SAA2: variants seen among roughly 807,000 people sequenced by gnomAD.
SAA2 encodes the protein serum amyloid A2.
A neutral mutation model predicts 9.1 loss-of-function variants in SAA2; 5 were observed. The observed-to-expected ratio is 0.55, with a 90% CI of 0.29 to 1.16. The LOEUF is 1.16. SAA2 is among the 50% of genes most tolerant of loss of function. The probability of loss-of-function intolerance (pLI) is 0.09; values close to 1 mark genes in which losing one functional copy is unlikely to be tolerated. For missense variants in SAA2, 94 were observed against 153.8 expected (o/e 0.61, Z 2.06); for synonymous variants, 49 against 59.8 (o/e 0.82, Z 0.83).
intron 2 of SAA2, among the ~76,000 whole-genome samples, chr11:18,246,894 GC>G (rs1857570682): frequency 6.6e-6 from 1 of 152,210 alleles, no homozygotes; most frequent in African/African-American, 2.4e-5. Context: ...GCCAGTTTCT[GC>G]AGACTCTGCT....
intron 2 of SAA2, among the ~76,000 whole-genome samples, chr11:18,246,289 T>C (rs531204680): frequency 1.3e-5 from 2 of 152,034 alleles, no homozygotes; most frequent in East Asian, 1.9e-4. Context: ...GATCCAGGAG[T>C]GTATATGAAT....
chr11:18,241,708 A>G (rs947865862), downstream of SAA2, among the ~76,000 whole-genome samples: 2 of 152,204 alleles, frequency 1.3e-5, no homozygotes, highest in African/African-American at 4.8e-5. Context: ...ATGTGTACAC[A>G]TGGACATAGA....
Position 18,246,035 on chromosome 11 carries a change from C to T in SAA2, c.105G>A (p.Met35Ile), listed in dbSNP as rs1857519063. 1 of 1,613,272 alleles carries T rather than the reference C, an allele frequency of 6.2e-7. No individual in the cohort carries two copies. Among genetic ancestry groups the T allele is most frequent in the African/African-American group, 1.3e-5 (1 of 74,784 alleles). The part of the protein sequence containing the change: ...LGEAFDGARD[M>I]WRAYSDMREA... ...CTCTCATGTCAGAGTAGGCTCTCCACATGTCCCGAGCCCCTGGAAAGGAAA... is the reference window on the plus strand; with the variant it reads ...CTCTCATGTCAGAGTAGGCTCTCCATATGTCCCGAGCCCCTGGAAAGGAAA... The change falls in exon 3 of 4, where the codon ATG becomes ATA. Residue 35 changes from methionine to isoleucine, a missense_variant. Physicochemically the swap from Met to Ile is conservative, Grantham distance 10. Coordinates refer to ENST00000256733, the MANE Select transcript of SAA2 (RefSeq NM_030754.5).
chr11:18,242,466 C>T (rs1393224673), downstream of SAA2: 3 of 312,686 alleles, frequency 9.6e-6, no homozygotes, highest in East Asian at 5.9e-5. Context: ...AAGTCCAATT[C>T]AAATGTTAAT....
intron 3 of SAA2, chr11:18,239,984 T>C: frequency 6.4e-7 from 1 of 1,550,630 alleles, no homozygotes; most frequent in South Asian, 1.2e-5. Context: ...CAAAGGCAGA[T>C]TAATAGGAGA....
chr11:18,242,597 G>A (rs1857379169), downstream of SAA2: 1 of 557,850 alleles, frequency 1.8e-6, no homozygotes. Context: ...TGTAATCCCA[G>A]CACTTTGGGA....
downstream of SAA2, among the ~76,000 whole-genome samples, chr11:18,241,412 T>C (rs759544901): frequency 6.6e-6 from 1 of 152,142 alleles, no homozygotes; most frequent in Non-Finnish European, 1.5e-5. Flanking sequence ...TAGATCATTA[T>C]ATAAAAAATA....
downstream of SAA2, among the ~76,000 whole-genome samples, chr11:18,238,812 C>A (rs140297100): frequency 2.0e-5 from 3 of 151,772 alleles, no homozygotes; most frequent in Non-Finnish European, 4.4e-5. Context: ...TCACTCCCCC[C>A]CTCCCCACTA....
downstream of SAA2, chr11:18,242,885 G>A: frequency 1.5e-6 from 1 of 686,452 alleles, no homozygotes; most frequent in Non-Finnish European, 2.6e-6. Context: ...ATAACAAAGA[G>A]CAATGCAATT....
At chr11:18,246,822 GGC>G (rs1857567473) in intron 2 of SAA2, among the ~76,000 whole-genome samples, 2 of 152,178 alleles carry the variant, frequency 1.3e-5, no homozygotes, top group Non-Finnish European at 2.9e-5. Context: ...CGTGAGCCTT[GGC>G]TGCACTTTCT....
chr11:18,244,810 G>C (rs1857454155), downstream of SAA2, among the ~76,000 whole-genome samples: 1 of 152,162 alleles, frequency 6.6e-6, no homozygotes, highest in Non-Finnish European at 1.5e-5. Flanking sequence ...AGATGGAGTG[G>C]GTAGAAATTC....
chr11:18,245,354 T>A lies in SAA2; in HGVS notation c.*23A>T. 1 of 1,613,854 alleles carries A rather than the reference T, an allele frequency of 6.2e-7. No individual in the cohort carries two copies. ...CCGAGGGCCTCATAGCCAGGTCTCC[T>A]GAGAGCAGAGTGAAGAGGAAGCTCA... is the stretch of plus-strand genomic sequence containing the variant. On this transcript the variant is annotated 3_prime_UTR_variant, in exon 4 of 4. Transcript: ENST00000256733.
Position 18,245,256 on chromosome 11 carries a change from T to G in SAA2, c.*121A>C. On this transcript the variant is annotated 3_prime_UTR_variant, in exon 4 of 4. Transcript: ENST00000256733. ...TTCAACAAATTCCACCTCTTAAGCA[T>G]TTATTAGATGCCTATTATATGCCAT... 6.6e-7 allele frequency: 1 copy of G among 1,509,922 alleles called. No individual in the cohort carries two copies. Among genetic ancestry groups the G allele is most frequent in the African/African-American group, 1.4e-5 (1 of 72,226 alleles). The allele number at this position is 1,509,922 out of a possible 1,614,324, so 93.5% of individuals were successfully genotyped here. A position where few individuals can be genotyped will look rare whatever the true frequency, so the allele number is the denominator to read the frequency against.
downstream of SAA2, among the ~76,000 whole-genome samples, chr11:18,243,510 G>A (rs1244868083): frequency 6.6e-6 from 1 of 152,152 alleles, no homozygotes; most frequent in Non-Finnish European, 1.5e-5. Flanking sequence ...AGTGCATTGA[G>A]TCTGCTCCCA....
chr11:18,245,582 T>G, intron 3 of SAA2, 67 bp from the exon 4 acceptor site: 2 of 1,586,014 alleles, frequency 1.3e-6, no homozygotes, highest in Non-Finnish European at 1.7e-6. Flanking sequence ...ACCCTCCCAT[T>G]CTCCCCGTTC....
At chr11:18,246,827 C>T (rs1472050213) in intron 2 of SAA2, among the ~76,000 whole-genome samples, 1 of 152,218 alleles carries the variant, frequency 6.6e-6, no homozygotes, top group African/African-American at 2.4e-5. Flanking sequence ...GCCTTGGCTG[C>T]ACTTTCTAAT....
At chr11:18,243,363 A>C (rs547765013), downstream of SAA2, among the ~76,000 whole-genome samples, 1 of 152,252 alleles carries the variant, frequency 6.6e-6, no homozygotes, top group Non-Finnish European at 1.5e-5. Context: ...CCTGCCCCCC[A>C]AAATCTACAA....
chr11:18,239,974 C>T, intron 3 of SAA2: 1 of 1,550,890 alleles, frequency 6.4e-7, no homozygotes, highest in Non-Finnish European at 8.7e-7. Flanking sequence ...AATAAACTGA[C>T]AAAGGCAGAT....
At chr11:18,241,954 C>A (rs1020630676), downstream of SAA2, among the ~76,000 whole-genome samples, 1 of 152,072 alleles carries the variant, frequency 6.6e-6, no homozygotes, top group Non-Finnish European at 1.5e-5. Flanking sequence ...TGAATGAACA[C>A]ATGGAAGCAC....
Sources: gnomAD v4.1 joint callset for allele counts (sites outside exome capture counted in the v4.1 genomes callset) on GRCh38, gnomAD v4.1.1 for gene constraint, MANE v1.5 for transcripts, NCBI Gene and HGNC (gene_info 2026-07-23, HGNC 2026-07-21) for gene names.